MAST1: variants seen among roughly 807,000 people sequenced by gnomAD.
MAST1 encodes microtubule-associated serine/threonine-protein kinase 1.
In MAST1, 40 loss-of-function variants were observed where a neutral mutation model predicts 124.6. That is an observed-to-expected ratio of 0.32 (90% CI 0.25 to 0.42). MAST1 has a LOEUF of 0.42. Among genes scored for constraint, MAST1 ranks in the 10% least tolerant of loss-of-function variants. MAST1 has a pLI of 1.00. For missense variants in MAST1, 1,558 were observed against 2,181.9 expected, an observed-to-expected ratio of 0.71 and a Z score of 5.70; for synonymous variants, 938 against 939.4, an observed-to-expected ratio of 1.00 and a Z score of 0.03.
chr19:12,846,933 G>A (rs1969901304), intron 4 of MAST1, among the ~76,000 whole-genome samples: 1 of 150,676 alleles, frequency 6.6e-6, no homozygotes, highest in Non-Finnish European at 1.5e-5. Context: ...GTAAGCAGGA[G>A]AGTGAGAAAA....
rs1233912523 is a variant in MAST1 at position 12,874,018 on chromosome 19, C to G, written c.3861C>G (p.Leu1287=). The G allele has an allele frequency of 6.2e-7, 1 of 1,606,038 alleles. No homozygotes were observed. Among genetic ancestry groups the G allele is most frequent in the Non-Finnish European group, 8.5e-7 (1 of 1,179,084 alleles). ...DKKGALRKHS[L]EVGHPDFRKD... ...AGGGCGCGCTGCGCAAACACAGCCT[C>G]GAGGTGGGCCACCCGGATTTCCGCA... Residue 1287 remains leucine (L), a synonymous_variant, in exon 26 of 26, where the codon CTC becomes CTG. Coordinates refer to ENST00000251472, the MANE Select transcript of MAST1 (RefSeq NM_014975.3). This position sits in a 1 kb window ranked among gnomAD's most constrained non-coding sequence, Gnocchi z 6.6.
chr19:12,865,608 A>C lies in MAST1; in HGVS notation c.1805-109A>C. 6.9e-7 allele frequency: 1 copy of C among 1,446,748 alleles called. No homozygotes were observed. The highest frequency in any genetic ancestry group is 1.3e-5 in the South Asian group (1 of 77,294). The allele number at this position is 1,446,748 out of a possible 1,614,324, so 89.6% of individuals were successfully genotyped here. On this transcript the variant is annotated intron_variant, in intron 15 of 25. Coordinates refer to ENST00000251472, the MANE Select transcript of MAST1 (RefSeq NM_014975.3). The surrounding 1 kb of genome is among the most constrained non-coding windows in gnomAD (Gnocchi z 7.1). ...CTTGCACTCAGGAGGTCAAGGCTGC[A>C]GTGAGCCATGATCGTGCCACTGCAC...
Position 12,843,662 on chromosome 19 carries a change from C to A in MAST1, c.327+55C>A. 6.6e-7 allele frequency: 1 copy of A among 1,516,034 alleles called. No homozygotes were observed. The highest frequency in any genetic ancestry group is 1.1e-5 in the South Asian group (1 of 87,218). The allele number at this position is 1,516,034 out of a possible 1,614,324, so 93.9% of individuals were successfully genotyped here. A position where few individuals can be genotyped will look rare whatever the true frequency, so the allele number is the denominator to read the frequency against. On this transcript the variant is annotated intron_variant, in intron 4 of 25. Coordinates refer to ENST00000251472, the MANE Select transcript of MAST1 (RefSeq NM_014975.3). This position sits in a 1 kb window ranked among gnomAD's most constrained non-coding sequence, Gnocchi z 4.9. ...GTGGGTAAGGAATTCAGGGGCCCTC[C>A]AGCCTGAAGACCCACACCCAGGCCA...
intron 1 of MAST1, among the ~76,000 whole-genome samples, chr19:12,839,479 A>G (rs1245701017): frequency 1.3e-5 from 2 of 152,226 alleles, no homozygotes; most frequent in Non-Finnish European, 2.9e-5. Context: ...GGTATCTCAC[A>G]TACTATGTCA....
In MAST1 at chr19:12,852,417, G is replaced by A. The variant is rs1217229306; in HGVS notation, c.1077+22G>A. 4 of 1,601,144 alleles carry A rather than the reference G, an allele frequency of 2.5e-6. No individual in the cohort carries two copies. In the Admixed American group the frequency reaches 6.7e-5, roughly 27 times the overall value. On this transcript the variant is annotated intron_variant, in intron 10 of 25. Coordinates refer to ENST00000251472, the MANE Select transcript of MAST1 (RefSeq NM_014975.3). Reference sequence around the variant, plus strand: ...TGAGGTAAGGCTGGGTGGCTAAGCGGTCAGTACCCTGGTTCCTGGGAGGGC... The same window carrying A: ...TGAGGTAAGGCTGGGTGGCTAAGCGATCAGTACCCTGGTTCCTGGGAGGGC...
At chr19:12,850,477 T>C (rs1250126758) in intron 7 of MAST1, among the ~76,000 whole-genome samples, 1 of 152,226 alleles carries the variant, frequency 6.6e-6, no homozygotes, top group Non-Finnish European at 1.5e-5. Flanking sequence ...ACTTGAAAAG[T>C]AGATAAATGA....
chr19:12,866,088 C>G lies in MAST1; in HGVS notation c.2015C>G (p.Thr672Ser). ...CCCCACCTAGAGTCGGAAGATGACA[C>G]TAGCTACTTTGACAGTGAGCTGGGA... ...FIPHLESEDD[T>S]SYFDTRSDRY... is the part of the protein sequence containing the mutation. Residue 672 changes from threonine to serine, a missense_variant, in exon 17 of 26, where the codon ACT (threonine) becomes AGT (serine). This residue lies in a region of MAST1 where 145 missense variants were observed against 350.0 expected (regional missense o/e 0.41). Transcript: ENST00000251472. The surrounding 1 kb of genome is among the most constrained non-coding windows in gnomAD (Gnocchi z 5.2). 5.0e-6 allele frequency: 8 copies of G among 1,614,084 alleles called. No individual in the cohort carries two copies. Among genetic ancestry groups the G allele is most frequent in the Non-Finnish European group, 6.8e-6 (8 of 1,180,026 alleles).
At position 12,867,572 on chromosome 19, in the gene MAST1, G is replaced by A. The variant is rs762585429; in HGVS notation, c.2238G>A (p.Glu746=). The change falls in exon 19 of 26, where the codon GAG becomes GAA. Residue 746 remains glutamate (E), a synonymous_variant. Coordinates refer to ENST00000251472, the MANE Select transcript of MAST1 (RefSeq NM_014975.3). ...GGGAGCCGAGCACCAAGGGCCCCGA[G>A]GAGAAGGTGGCCGGCAAGCGGGAGG... The part of the protein sequence containing the change: ...SKREPSTKGP[E]EKVAGKREGL... 6.2e-7 allele frequency: 1 copy of A among 1,613,602 alleles called. No homozygotes were observed. The highest frequency in any genetic ancestry group is 8.5e-7 in the Non-Finnish European group (1 of 1,179,858).
At chr19:12,840,228 C>T in intron 1 of MAST1, among the ~76,000 whole-genome samples, 1 of 152,246 alleles carries the variant, frequency 6.6e-6, no homozygotes, top group Admixed American at 6.5e-5. Flanking sequence ...ATAATCCATA[C>T]TGAGAGTTTC....
Position 12,873,923 on chromosome 19 carries a change from C to T in MAST1, c.3766C>T (p.Pro1256Ser). The T allele has an allele frequency of 6.3e-7, 1 of 1,587,232 alleles. No homozygotes were observed. The highest frequency in any genetic ancestry group is 8.5e-7 in the Non-Finnish European group (1 of 1,174,608). ...CCCGCGCCCCAAGAGTGCCGAGCCC[C>T]CTCGCTCGCCGCTCCTCAAGCGCGT... ...VRPRPKSAEP[P>S]RSPLLKRVQS... Residue 1256 changes from proline to serine, a missense_variant, in exon 26 of 26, where the codon CCT becomes TCT. Pro to Ser is a moderately conservative substitution (Grantham distance 74). Around this residue, in one of 10 missense-constraint regions of MAST1, gnomAD observed 263 missense variants for 310.9 expected, o/e 0.85. Transcript: ENST00000251472.
intron 9 of MAST1, 37 bp downstream of exon 9, chr19:12,852,284 C>T: frequency 1.2e-6 from 2 of 1,614,058 alleles, no homozygotes; most frequent in South Asian, 2.2e-5. Flanking sequence ...TGGGGGTGAG[C>T]AGGCCCAGAA....
intron 18 of MAST1, 31 bp from the exon 19 acceptor site, chr19:12,867,443 G>T (rs947681547): frequency 1.9e-6 from 3 of 1,611,212 alleles, no homozygotes; most frequent in Non-Finnish European, 2.5e-6. Context: ...GTGGAACCCG[G>T]GCTGGACTTG....
At chr19:12,870,786 C>T (rs781158089) in intron 22 of MAST1, 38 bp from the exon 23 acceptor site, 2 of 1,540,462 alleles carry the variant, frequency 1.3e-6, no homozygotes, top group Non-Finnish European at 1.8e-6. Flanking sequence ...TGTTACCAAT[C>T]CCACTAACCC....
At position 12,865,159 on chromosome 19, in the gene MAST1, G is replaced by A. The variant is rs1970136219; in HGVS notation, c.1619G>A (p.Arg540Gln). Reference sequence around the variant, plus strand: ...GAAGGCCACATCGAGAAGGACGCCCGAGAGTTCCTGGACAAACAGGTGTGT... The same window carrying A: ...GAAGGCCACATCGAGAAGGACGCCCAAGAGTTCCTGGACAAACAGGTGTGT... ...LYEGHIEKDA[R>Q]EFLDKQVCGT... Residue 540 changes from arginine to glutamine, a missense_variant, in exon 14 of 26, where the codon CGA (arginine) becomes CAA (glutamine). Transcript: ENST00000251472. This position sits in a 1 kb window ranked among gnomAD's most constrained non-coding sequence, Gnocchi z 7.1. 1 of 1,614,018 alleles carries A rather than the reference G, an allele frequency of 6.2e-7. No homozygotes were observed.
chr19:12,868,093 G>C (rs1186017352), intron 20 of MAST1, 116 bp downstream of exon 20: 1 of 718,894 alleles, frequency 1.4e-6, no homozygotes, highest in Non-Finnish European at 1.8e-6. Context: ...TATTCACATT[G>C]CAATTTGGGA....
rs1053687595 is a variant in MAST1 at position 12,843,410 on chromosome 19, A to G, written c.249-119A>G. On this transcript the variant is annotated intron_variant, in intron 3 of 25. Transcript: ENST00000251472. This position sits in a 1 kb window ranked among gnomAD's most constrained non-coding sequence, Gnocchi z 4.9. ...TTCTGAGGGCCTTGAGGAATCTTAG[A>G]GTGCAGATATATTCCCCCAACCCCC... The G allele has an allele frequency of 9.1e-6, 6 of 661,352 alleles. No homozygotes were observed. The African/African-American group carries it at 1.1e-4, about 12-fold the overall frequency. 41.0% of individuals were successfully genotyped at this position (661,352 alleles called of 1,614,324 possible).
rs561375571 is a variant in MAST1, at chr19:12,870,660, G to A, written c.3004-164G>A. Among the ~76,000 whole-genome samples, 12 of 77,640 alleles carry A rather than the reference G, an allele frequency of 1.5e-4. No individual in the cohort carries two copies. The East Asian group carries it at 4.0e-3, about 26-fold the overall frequency. 50.9% of individuals were successfully genotyped at this position (77,640 alleles called of 152,430 possible). A position where few individuals can be genotyped will look rare whatever the true frequency, so the allele number is the denominator to read the frequency against. On this transcript the variant is annotated intron_variant, in intron 22 of 25. Transcript: ENST00000251472. ...AGCCTGGGTGACAGAGTGAGACTCC[G>A]TCCAAAAAAAAAAAAAAAATGTGGG...
At chr19:12,846,444 T>C (rs1599577858) in intron 4 of MAST1, among the ~76,000 whole-genome samples, 1 of 151,750 alleles carries the variant, frequency 6.6e-6, no homozygotes, top group East Asian at 1.9e-4. Context: ...TCAGAGGAGG[T>C]CTTCCCGAGG....
At chr19:12,862,617 C>A (rs1970097655) in intron 12 of MAST1, among the ~76,000 whole-genome samples, 1 of 151,952 alleles carries the variant, frequency 6.6e-6, no homozygotes, top group African/African-American at 2.4e-5. Context: ...ATCAACCTAC[C>A]CAGCATGGTG....
Sources: gnomAD v4.1 joint callset for allele counts (sites outside exome capture counted in the v4.1 genomes callset) on GRCh38, gnomAD v4.1.1 for gene constraint, gnomAD v4.1.1 regional missense constraint, Gnocchi (gnomAD v3.1) non-coding constraint, MANE v1.5 for transcripts, NCBI Gene and HGNC (gene_info 2026-07-23, HGNC 2026-07-21) for gene names.